ABCA13: variants seen among roughly 807,000 people sequenced by gnomAD.
The protein encoded by ABCA13 is ATP-binding cassette sub-family A member 13.
ABCA13 carries 476 observed loss-of-function variants against 478.7 expected under a neutral mutation model. The observed-to-expected ratio is 0.99, with a 90% CI of 0.92 to 1.07. The LOEUF (loss-of-function observed/expected upper bound fraction) is 1.07. Among genes scored for constraint, ABCA13 ranks in the 50% least tolerant of loss-of-function variants. The pLI is 0.00. For missense variants in ABCA13, 6,060 were observed against 5,910.6 expected, an observed-to-expected ratio of 1.03 and a Z score of -0.83; for synonymous variants, 2,252 against 2,158.9, an observed-to-expected ratio of 1.04 and a Z score of -1.20.
At chr7:48,416,656 C>T (rs770236392) in intron 41 of ABCA13, among the ~76,000 whole-genome samples, 4 of 152,014 alleles carry the variant, frequency 2.6e-5, no homozygotes, top group Non-Finnish European at 4.4e-5. Context: ...GAGAGTGCCC[C>T]GGGACCAAGG....
At chr7:48,518,488 G>C (rs1223027869) in intron 52 of ABCA13, among the ~76,000 whole-genome samples, 1 of 152,016 alleles carries the variant, frequency 6.6e-6, no homozygotes, top group African/African-American at 2.4e-5. Flanking sequence ...GGAAAGCCTT[G>C]TTACCTTTAA....
chr7:48,359,855 T>C lies in ABCA13; in HGVS notation c.10688+7368T>C, dbSNP rs534459061. Among the ~76,000 whole-genome samples the C allele has an allele frequency of 4.8e-4, 73 of 152,066 alleles. 4 individuals carry two copies. Among genetic ancestry groups the C allele is most frequent in the African/African-American group, 1.7e-3 (71 of 41,352 alleles). On this transcript the variant is annotated intron_variant, in intron 31 of 61. Coordinates refer to ENST00000435803, the MANE Select transcript of ABCA13 (RefSeq NM_152701.5). ...ACTTTTCTGTCATTGCACTCACTGATAGTGCTGACAGAGGCAAGTAACAGA... is the reference window on the plus strand; with the variant it reads ...ACTTTTCTGTCATTGCACTCACTGACAGTGCTGACAGAGGCAAGTAACAGA...
intron 15 of ABCA13, among the ~76,000 whole-genome samples, chr7:48,264,338 A>G (rs530476254): frequency 6.6e-6 from 1 of 152,008 alleles, no homozygotes; most frequent in African/African-American, 2.4e-5. Flanking sequence ...TTGTATGCTT[A>G]GCCTTTTACA....
At chr7:48,328,669 A>T (rs1175067424) in intron 27 of ABCA13, among the ~76,000 whole-genome samples, 1 of 152,088 alleles carries the variant, frequency 6.6e-6, no homozygotes. Context: ...ATTTGATATA[A>T]TCTTAATTAA....
intron 58 of ABCA13, among the ~76,000 whole-genome samples, chr7:48,596,670 C>T (rs1042888596): frequency 3.3e-4 from 50 of 151,862 alleles, no homozygotes; most frequent in Non-Finnish European, 5.7e-4. Context: ...TGGTGGCGGG[C>T]GCCTGTAGTC....
intron 31 of ABCA13, among the ~76,000 whole-genome samples, chr7:48,359,516 A>C (rs564205974): frequency 6.6e-6 from 1 of 151,994 alleles, no homozygotes; most frequent in African/African-American, 2.4e-5. Flanking sequence ...AGAGAGAGAA[A>C]GTGGAGGCCA....
chr7:48,309,794 A>G (rs1286064688), intron 23 of ABCA13, among the ~76,000 whole-genome samples, 153 bp from the exon 24 acceptor site: 1 of 152,064 alleles, frequency 6.6e-6, no homozygotes, highest in African/African-American at 2.4e-5. Flanking sequence ...TGAGAATCGA[A>G]CCCCAGTTTG....
At chr7:48,184,707 A>T (rs1038513921) in intron 1 of ABCA13, among the ~76,000 whole-genome samples, 10 of 152,094 alleles carry the variant, frequency 6.6e-5, no homozygotes, top group Non-Finnish European at 8.8e-5. Flanking sequence ...GTAATCCTAG[A>T]TACCTGAGAG....
chr7:48,247,454 C>A (rs976634381), intron 13 of ABCA13, among the ~76,000 whole-genome samples: 4 of 152,082 alleles, frequency 2.6e-5, no homozygotes, highest in South Asian at 2.1e-4. Context: ...CTTGAGGTAG[C>A]CTTTTGGATG....
At chr7:48,250,640 T>A (rs750125910) in intron 15 of ABCA13, among the ~76,000 whole-genome samples, 2 of 152,202 alleles carry the variant, frequency 1.3e-5, no homozygotes, top group Non-Finnish European at 2.9e-5. Context: ...CCTTATCAGC[T>A]TCATAAAACC....
chr7:48,196,448 G>A (rs568236350), intron 2 of ABCA13, among the ~76,000 whole-genome samples: 2 of 152,262 alleles, frequency 1.3e-5, no homozygotes, highest in African/African-American at 2.4e-5. Context: ...GCTCTGTGGG[G>A]ATGGGCATGG....
At chr7:48,386,289 A>T (rs1041760110) in intron 35 of ABCA13, among the ~76,000 whole-genome samples, 22 of 152,244 alleles carry the variant, frequency 1.4e-4, no homozygotes, top group African/African-American at 5.1e-4. Context: ...AAGAATCAAT[A>T]TCATTAAAAT....
At chr7:48,241,625 T>G (rs1165744433) in intron 10 of ABCA13, among the ~76,000 whole-genome samples, 1 of 152,194 alleles carries the variant, frequency 6.6e-6, no homozygotes, top group East Asian at 1.9e-4. Flanking sequence ...TTGTAGTAAC[T>G]TGAATCTTAT....
At chr7:48,606,765 T>G (rs1313560711) in intron 58 of ABCA13, among the ~76,000 whole-genome samples, 1 of 152,210 alleles carries the variant, frequency 6.6e-6, no homozygotes, top group South Asian at 2.1e-4. Flanking sequence ...CACTGCTGTC[T>G]TCAGAGCTGT....
At chr7:48,368,905 A>C (rs1812199436) in intron 32 of ABCA13, among the ~76,000 whole-genome samples, 2 of 151,352 alleles carry the variant, frequency 1.3e-5, no homozygotes, top group Non-Finnish European at 3.0e-5. Flanking sequence ...TATCTTTTTC[A>C]TGTAATGACT....
At chr7:48,368,026 G>A (rs879920779) in intron 32 of ABCA13, 118 bp downstream of exon 32, 1 of 669,762 alleles carries the variant, frequency 1.5e-6, no homozygotes, top group Non-Finnish European at 2.5e-6. Context: ...TCCTCTGCTG[G>A]GGTTCTGGTG....
In ABCA13 at chr7:48,279,067, A is replaced by G. The variant is rs769750889; in HGVS notation, c.7873A>G (p.Met2625Val). ...TATGTCACCTAGCATACTCTCATAT[A>G]TGAACCAATCTAAGGACTTTTCTGA... is the stretch of plus-strand genomic sequence containing the variant. ...FSMSPSILSY[M>V]NQSKDFSDIL... Residue 2625 changes from methionine to valine, a missense_variant, in exon 18 of 62, where the codon ATG becomes GTG. Transcript: ENST00000435803. 3.0e-5 allele frequency: 49 copies of G among 1,612,878 alleles called. No individual in the cohort carries two copies. Among genetic ancestry groups the G allele is most frequent in the Non-Finnish European group, 3.9e-5 (46 of 1,179,804 alleles).
In ABCA13 at chr7:48,555,012, T is replaced by A. The variant is rs534803635; in HGVS notation, c.14355-25212T>A. Among the ~76,000 whole-genome samples, 4 of 151,678 alleles carry A rather than the reference T, an allele frequency of 2.6e-5. No homozygotes were observed. In the South Asian group the frequency reaches 6.2e-4, roughly 24 times the overall value. On this transcript the variant is annotated intron_variant, in intron 55 of 61. Coordinates refer to ENST00000435803, the MANE Select transcript of ABCA13 (RefSeq NM_152701.5). Reference sequence around the variant, plus strand: ...TGACTTTTATTATGTTAAGGGATGTTCCCCAGTTTTTTGAGGGTTTTTAAT... The same window carrying A: ...TGACTTTTATTATGTTAAGGGATGTACCCCAGTTTTTTGAGGGTTTTTAAT...
At chr7:48,207,769 A>T (rs1373554654) in intron 3 of ABCA13, among the ~76,000 whole-genome samples, 1 of 151,776 alleles carries the variant, frequency 6.6e-6, no homozygotes, top group Admixed American at 6.6e-5. Context: ...TTGGTTTGTT[A>T]TATTATTTTC....
Sources: allele counts gnomAD v4.1 joint callset (sites outside exome capture counted in the v4.1 genomes callset), GRCh38; gene constraint gnomAD v4.1.1; transcripts MANE v1.5; gene names NCBI Gene and HGNC (gene_info 2026-07-23, HGNC 2026-07-21).